PEX14: variants seen among roughly 807,000 people sequenced by gnomAD.
PEX14 encodes the protein peroxisomal membrane protein PEX14.
A neutral mutation model predicts 49.5 loss-of-function variants in PEX14; 15 were observed. The observed-to-expected ratio is 0.30, with a 90% CI of 0.20 to 0.47. The LOEUF is 0.47. Among genes scored for constraint, PEX14 ranks in the 20% least tolerant of loss-of-function variants. The probability of loss-of-function intolerance (pLI) is 1.00; values close to 1 mark genes in which losing one functional copy is unlikely to be tolerated. For synonymous variants in PEX14, 210 were observed against 212.7 expected, an observed-to-expected ratio of 0.99 and a Z score of 0.11; for missense variants, 398 against 494.8, an observed-to-expected ratio of 0.80 and a Z score of 1.86.
chr1:10,606,156 C>CATA (rs1641119452), intron 4 of PEX14, among the ~76,000 whole-genome samples: 2 of 152,328 alleles, frequency 1.3e-5, no homozygotes, highest in East Asian at 3.9e-4. Context: ...TTCTCTATTA[C>CATA]ATAAATGTAG....
intron 3 of PEX14, among the ~76,000 whole-genome samples, chr1:10,577,529 C>CATATATATATATATATCTAT (rs1640158123): frequency 2.3e-5 from 1 of 43,014 alleles, no homozygotes; most frequent in Non-Finnish European, 3.7e-5. Context: ...GGACACTATA[C>CATATATATATATATATCTAT]ATATATATAT....
intron 3 of PEX14, among the ~76,000 whole-genome samples, chr1:10,586,628 CT>C (rs35743829): frequency 5.9e-3 from 547 of 92,932 alleles, no homozygotes; most frequent in African/African-American, 0.013. Context: ...AGCCGTTTAC[CT>C]TTTTTTTTTT....
At chr1:10,585,756 T>A (rs1310782056) in intron 3 of PEX14, among the ~76,000 whole-genome samples, 1 of 152,044 alleles carries the variant, frequency 6.6e-6, no homozygotes, top group Non-Finnish European at 1.5e-5. Flanking sequence ...CCTGTCTCTA[T>A]GCAGTGGTGC....
chr1:10,568,819 A>G (rs1639888576), intron 3 of PEX14, among the ~76,000 whole-genome samples: 2 of 152,118 alleles, frequency 1.3e-5, no homozygotes, highest in Admixed American at 6.6e-5. Context: ...GGCTCACTGC[A>G]ACCTCCGCCT....
chr1:10,486,751 G>A (rs12066757), intron 1 of PEX14, among the ~76,000 whole-genome samples: 158 of 149,574 alleles, frequency 1.1e-3, no homozygotes, highest in African/African-American at 3.7e-3. Context: ...GCAGTGGCGC[G>A]ATCTCGGCTC....
chr1:10,544,303 G>T (rs1639105143), intron 3 of PEX14, among the ~76,000 whole-genome samples: 1 of 152,174 alleles, frequency 6.6e-6, no homozygotes, highest in Non-Finnish European at 1.5e-5. Context: ...AGAAATTGAG[G>T]TTTAGAAAGG....
intron 3 of PEX14, among the ~76,000 whole-genome samples, chr1:10,572,002 G>A (rs1368342605): frequency 2.0e-5 from 3 of 152,110 alleles, no homozygotes; most frequent in Non-Finnish European, 4.4e-5. Flanking sequence ...AGAACACGGA[G>A]CTTCCAGTTT....
intron 7 of PEX14, among the ~76,000 whole-genome samples, chr1:10,625,423 G>A (rs974066243): frequency 9.2e-5 from 14 of 152,218 alleles, no homozygotes; most frequent in African/African-American, 3.1e-4. Flanking sequence ...CACTCCTAGC[G>A]TACGAGTTGG....
intron 4 of PEX14, among the ~76,000 whole-genome samples, chr1:10,608,490 G>A (rs988645157): frequency 6.6e-6 from 1 of 151,676 alleles, no homozygotes; most frequent in South Asian, 2.1e-4. Flanking sequence ...GGTGAAACCC[G>A]GTCTCTACTA....
intron 4 of PEX14, among the ~76,000 whole-genome samples, chr1:10,603,647 T>A (rs1641047240): frequency 6.6e-6 from 1 of 152,166 alleles, no homozygotes; most frequent in African/African-American, 2.4e-5. Flanking sequence ...TGTGTATAGG[T>A]GCAGGCCTAG....
rs1007978005 is a variant in PEX14 at position 10,474,994 on chromosome 1, C to T, written c.28C>T (p.Pro10Ser). The change falls in exon 1 of 9, where the codon CCG becomes TCG. Residue 10 changes from proline to serine, a missense_variant. Around this residue, in one of 3 missense-constraint regions of PEX14, gnomAD observed 56 missense variants for 40.8 expected, o/e 1.37. Transcript: ENST00000356607. MASSEQAEQPSQPSSTPGSE... is the reference protein window; with the variant it reads MASSEQAEQSSQPSSTPGSE... ...GGCGTCCTCGGAGCAGGCAGAGCAG[C>T]CGAGCCAGGTAAGGGGAGTGGGACT... The T allele has an allele frequency of 6.2e-7, 1 of 1,610,108 alleles. No homozygotes were observed.
intron 1 of PEX14, among the ~76,000 whole-genome samples, chr1:10,491,791 G>A (rs772409494): frequency 7.4e-5 from 10 of 135,372 alleles, no homozygotes; most frequent in Non-Finnish European, 1.1e-4. Flanking sequence ...AGCGATTATT[G>A]TGCCTCTGCC....
At chr1:10,515,381 T>G (rs1214341597) in intron 2 of PEX14, among the ~76,000 whole-genome samples, 1 of 152,140 alleles carries the variant, frequency 6.6e-6, no homozygotes, top group African/African-American at 2.4e-5. Context: ...CATTTAATAA[T>G]TTAAACATTA....
chr1:10,548,173 C>T (rs983395784), intron 3 of PEX14, among the ~76,000 whole-genome samples: 2 of 152,156 alleles, frequency 1.3e-5, no homozygotes, highest in African/African-American at 2.4e-5. Flanking sequence ...GCTGAGATCG[C>T]GCCACTGCAC....
At chr1:10,485,594 C>G (rs775658326) in intron 1 of PEX14, among the ~76,000 whole-genome samples, 4 of 151,562 alleles carry the variant, frequency 2.6e-5, no homozygotes, top group Admixed American at 2.0e-4. Flanking sequence ...GCTGGAAGTA[C>G]AGGCATGAAC....
Position 10,514,618 on chromosome 1 carries a change from C to G in PEX14, c.84+19297C>G, listed in dbSNP as rs988633224. 6.6e-6 allele frequency among the ~76,000 whole-genome samples: 1 copy of G among 152,122 alleles called. No homozygotes were observed. Among genetic ancestry groups the G allele is most frequent in the Admixed American group, 6.5e-5 (1 of 15,274 alleles). On this transcript the variant is annotated intron_variant, in intron 2 of 8. Coordinates refer to ENST00000356607, the MANE Select transcript of PEX14 (RefSeq NM_004565.3). The surrounding 1 kb of genome is among the most constrained non-coding windows in gnomAD (Gnocchi z 4.4). ...CTAATAGGCCATTGGGTGTCACTGT[C>G]GCTCTACTGGCTATAGGAGAAAGAG...
At chr1:10,544,482 G>A (rs2506898) in intron 3 of PEX14, among the ~76,000 whole-genome samples, 105,171 of 152,016 alleles carry the variant, frequency 0.69, 38,725 homozygotes, top group Non-Finnish European at 0.82. Flanking sequence ...GGGATGGGCC[G>A]AAGATGACTC....
intron 2 of PEX14, among the ~76,000 whole-genome samples, chr1:10,497,409 G>A (rs1469195317): frequency 6.6e-6 from 1 of 152,226 alleles, no homozygotes; most frequent in Non-Finnish European, 1.5e-5. Context: ...GCTTTCTCAG[G>A]CCATGTGTAT....
Position 10,496,902 on chromosome 1 carries a change from T to G in PEX14, c.84+1581T>G, listed in dbSNP as rs145251214. 8.5e-3 allele frequency among the ~76,000 whole-genome samples: 1,296 copies of G among 151,884 alleles called. 18 individuals carry two copies. Among genetic ancestry groups the G allele is most frequent in the African/African-American group, 0.029 (1,197 of 41,406 alleles). ...CCTTATATTTAATTAATATTTTTTCTCCTCTTTACGTACTTGCTGCATAAT... is the reference window on the plus strand; with the variant it reads ...CCTTATATTTAATTAATATTTTTTCGCCTCTTTACGTACTTGCTGCATAAT... On this transcript the variant is annotated intron_variant, in intron 2 of 8. Transcript: ENST00000356607.
Sources: allele counts gnomAD v4.1 joint callset (sites outside exome capture counted in the v4.1 genomes callset), GRCh38; gene constraint gnomAD v4.1.1; regional missense constraint gnomAD v4.1.1; non-coding constraint Gnocchi (gnomAD v3.1); transcripts MANE v1.5; gene names NCBI Gene and HGNC (gene_info 2026-07-23, HGNC 2026-07-21).